The following ZBTB5 variants were observed in gnomAD, a reference collection of about 807,000 sequenced individuals.
ZBTB5 encodes zinc finger and BTB domain containing 5.
In ZBTB5, 15 loss-of-function variants were observed where a neutral mutation model predicts 37.9. The observed-to-expected ratio is 0.40, with a 90% CI of 0.26 to 0.61. ZBTB5 has a LOEUF of 0.61. Ranked by LOEUF, ZBTB5 falls within the 20% of genes least tolerant of loss-of-function variation. The pLI, the probability that ZBTB5 is intolerant of heterozygous loss-of-function variation, is 0.47. For synonymous variants in ZBTB5, 315 were observed against 312.4 expected, an observed-to-expected ratio of 1.01 and a Z score of -0.09; for missense variants, 708 against 856.8, an observed-to-expected ratio of 0.83 and a Z score of 2.17.
At position 37,439,984 on chromosome 9, in the gene ZBTB5, A is replaced by G. The variant is rs898894829; in HGVS notation, c.*534T>C. Reference sequence around the variant, plus strand: ...GTTTATGACTGCAAATCAGGTAAAAATAAAAAATACAGTACTTTGAGGCCT... The same window carrying G: ...GTTTATGACTGCAAATCAGGTAAAAGTAAAAAATACAGTACTTTGAGGCCT... On this transcript the variant is annotated 3_prime_UTR_variant, in exon 2 of 2. Coordinates refer to ENST00000307750, the MANE Select transcript of ZBTB5 (RefSeq NM_014872.3). 1 of 157,178 alleles carries G rather than the reference A, an allele frequency of 6.4e-6. No individual in the cohort carries two copies. The highest frequency in any genetic ancestry group is 2.4e-5 in the African/African-American group (1 of 41,476). 9.7% of individuals were successfully genotyped at this position (157,178 alleles called of 1,614,324 possible).
rs16924383 is a variant in ZBTB5, at chr9:37,444,539, T to G, written c.-4-1984A>C. Among the ~76,000 whole-genome samples the G allele has an allele frequency of 8.9e-3, 1,357 of 152,238 alleles. 25 individuals are homozygous for G. Among genetic ancestry groups the G allele is most frequent in the African/African-American group, 0.031 (1,289 of 41,550 alleles). On this transcript the variant is annotated intron_variant, in intron 1 of 1. Coordinates refer to ENST00000307750, the MANE Select transcript of ZBTB5 (RefSeq NM_014872.3). ...TTTAAATTTTGAGAACTGAAGAAATTTGCTTATTAAGACTAAAAAGGCCCA... is the reference window on the plus strand; with the variant it reads ...TTTAAATTTTGAGAACTGAAGAAATGTGCTTATTAAGACTAAAAAGGCCCA...
At position 37,455,205 on chromosome 9, in the gene ZBTB5, C is replaced by T. The variant is rs114053620; in HGVS notation, c.-5+10010G>A. On this transcript the variant is annotated intron_variant, in intron 1 of 1. Transcript: ENST00000307750. ...AATGTGCAGAGGAGCATAAGAGCAG[C>T]GTGGCCAAGGAGAGAAGAGAAGGAG... Among the ~76,000 whole-genome samples the T allele has an allele frequency of 6.1e-3, 923 of 152,192 alleles. 10 individuals are homozygous for T. Among genetic ancestry groups the T allele is most frequent in the African/African-American group, 0.02 (835 of 41,512 alleles).
At chr9:37,449,425 C>T (rs892878189) in intron 1 of ZBTB5, among the ~76,000 whole-genome samples, 1 of 152,140 alleles carries the variant, frequency 6.6e-6, no homozygotes, top group Non-Finnish European at 1.5e-5. Context: ...AGGCCTGGTG[C>T]GGTAGCTCAT....
rs1823900719 is a variant in ZBTB5 at position 37,442,319 on chromosome 9, G to C, written c.233C>G (p.Ala78Gly). 1 of 1,614,112 alleles carries C rather than the reference G, an allele frequency of 6.2e-7. No individual in the cohort carries two copies. Among genetic ancestry groups the C allele is most frequent in the South Asian group, 1.1e-5 (1 of 91,092 alleles). The change falls in exon 2 of 2, where the codon GCT becomes GGT. Residue 78 changes from alanine (A) to glycine (G), a missense_variant. Around this residue, in one of 3 missense-constraint regions of ZBTB5, gnomAD observed 639 missense variants for 690.5 expected, o/e 0.93. Transcript: ENST00000307750. ...DSEVVTAEAF[A>G]ALIDMMYTST... ...GGTATACATCATGTCAATCAGTGCA[G>C]CAAAGGCCTCTGCTGTCACCACCTC...
rs921205834 is a variant in ZBTB5 at position 37,441,624 on chromosome 9, AACT to A, written c.925_927del (p.Ser309del). The A allele has an allele frequency of 6.2e-7, 1 of 1,613,268 alleles. No homozygotes were observed. Among genetic ancestry groups the A allele is most frequent in the Admixed American group, 1.7e-5 (1 of 59,956 alleles). ...CCAACCTCAGGGTTTTCACACTGAA[AACT>A]ACTTTTCTCAGGTGCAGCTTCCTGA... On this transcript the variant is annotated inframe_deletion, in exon 2 of 2. Transcript: ENST00000307750.
In ZBTB5 at chr9:37,465,428, GC is replaced by G. The variant is rs936756748; in HGVS notation, c.-219del. The stretch of plus-strand genomic sequence containing the variant: ...AGCACTCTGAGAACACGGCGGCGGC[GC>G]CCGAGGATAAGCGGAAGTGACGTAA... On this transcript the variant is annotated 5_prime_UTR_variant, in exon 1 of 2. Transcript: ENST00000307750. The G allele has an allele frequency of 6.6e-6, 1 of 151,170 alleles. No homozygotes were observed. Among genetic ancestry groups the G allele is most frequent in the African/African-American group, 2.4e-5 (1 of 41,108 alleles). The allele number at this position is 151,170 out of a possible 1,614,324, so 9.4% of individuals were successfully genotyped here.
intron 1 of ZBTB5, among the ~76,000 whole-genome samples, chr9:37,443,644 A>C (rs1283220583): frequency 6.6e-6 from 1 of 152,120 alleles, no homozygotes; most frequent in African/African-American, 2.4e-5. Context: ...AAAACAAAAA[A>C]ACACCAGGAT....
chr9:37,449,322 A>G (rs962246119), intron 1 of ZBTB5, among the ~76,000 whole-genome samples: 1 of 152,346 alleles, frequency 6.6e-6, no homozygotes, highest in Non-Finnish European at 1.5e-5. Context: ...CTGGATTCTC[A>G]TATTTGCTTC....
intron 1 of ZBTB5, among the ~76,000 whole-genome samples, chr9:37,446,855 A>G (rs1247744794): frequency 6.6e-6 from 1 of 152,234 alleles, no homozygotes; most frequent in African/African-American, 2.4e-5. Flanking sequence ...ATTATTTTGT[A>G]GCAGTAACAG....
Position 37,442,436 on chromosome 9 carries a change from C to A in ZBTB5, c.116G>T (p.Arg39Leu), listed in dbSNP as rs1823904209. 6.2e-7 allele frequency: 1 copy of A among 1,613,948 alleles called. No homozygotes were observed. Among genetic ancestry groups the A allele is most frequent in the South Asian group, 1.1e-5 (1 of 91,084 alleles). Reference protein sequence around the residue: ...VVGNRHFKAHRSVLAACSTHF... With the variant: ...VVGNRHFKAHLSVLAACSTHF... Reference sequence around the variant, plus strand: ...CGTGCTGCATGCTGCCAGCACGGAGCGGTGGGCTTTAAAGTGTCTATTCCC... The same window carrying A: ...CGTGCTGCATGCTGCCAGCACGGAGAGGTGGGCTTTAAAGTGTCTATTCCC... Residue 39 changes from arginine to leucine, a missense_variant, in exon 2 of 2, where the codon CGC becomes CTC. Transcript: ENST00000307750.
chr9:37,440,754 AT>A lies in ZBTB5; in HGVS notation c.1797del (p.Leu599PhefsTer9). ...ADVLSKCKKA[L>X]SEHNVLVVEG... is the part of the protein sequence containing the mutation. ...TCTACAACCAAAACATTGTGCTCTG[AT>A]AAGGCCTTCTTGCACTTTGACAGAA... On this transcript the variant is annotated frameshift_variant, in exon 2 of 2. Coordinates refer to ENST00000307750, the MANE Select transcript of ZBTB5 (RefSeq NM_014872.3). LOFTEE classifies it high-confidence loss of function. The A allele has an allele frequency of 6.2e-7, 1 of 1,614,250 alleles. No individual in the cohort carries two copies. Among genetic ancestry groups the A allele is most frequent in the Non-Finnish European group, 8.5e-7 (1 of 1,180,040 alleles).
intron 1 of ZBTB5, among the ~76,000 whole-genome samples, chr9:37,443,709 T>C (rs1164359993): frequency 1.3e-5 from 2 of 152,104 alleles, no homozygotes; most frequent in African/African-American, 4.8e-5. Flanking sequence ...GGTGGGAGGA[T>C]TGCCTGAGCT....
At chr9:37,464,869 C>T (rs1824361795) in intron 1 of ZBTB5, among the ~76,000 whole-genome samples, 1 of 152,232 alleles carries the variant, frequency 6.6e-6, no homozygotes, top group South Asian at 2.1e-4. Flanking sequence ...CCACATCCCG[C>T]AGGGCAGCAG....
chr9:37,449,494 T>C (rs539847137), intron 1 of ZBTB5, among the ~76,000 whole-genome samples: 24 of 152,010 alleles, frequency 1.6e-4, no homozygotes, highest in Admixed American at 1.2e-3. Context: ...GGCCAGGAGT[T>C]TGCGACCAGC....
rs1824346135 is a variant in ZBTB5, at chr9:37,464,201, T to C, written c.-5+1014A>G. On this transcript the variant is annotated intron_variant, in intron 1 of 1. Transcript: ENST00000307750. ...CAACAGCCCATACTAGGACAACAAA[T>C]TACCAATGACTTAATGACTAAGGCA... is the stretch of plus-strand genomic sequence containing the variant. Among the ~76,000 whole-genome samples the C allele has an allele frequency of 2.0e-5, 3 of 152,334 alleles. No homozygotes were observed. In the South Asian group the frequency reaches 6.2e-4, roughly 32 times the overall value.
intron 1 of ZBTB5, among the ~76,000 whole-genome samples, chr9:37,451,998 C>T (rs964238141): frequency 2.6e-5 from 4 of 152,190 alleles, no homozygotes; most frequent in Non-Finnish European, 4.4e-5. Flanking sequence ...TATGACCTAC[C>T]TAATGATGGC....
Position 37,441,766 on chromosome 9 carries a change from C to T in ZBTB5, c.786G>A (p.Gln262=). The change falls in exon 2 of 2, where the codon CAG becomes CAA. Residue 262 remains glutamine, a synonymous_variant. Coordinates refer to ENST00000307750, the MANE Select transcript of ZBTB5 (RefSeq NM_014872.3). ...GGGCATCTTCTTGAGTGCCAAAAGACTGATCAAACATGATCGCACTATCTT... is the reference window on the plus strand; with the variant it reads ...GGGCATCTTCTTGAGTGCCAAAAGATTGATCAAACATGATCGCACTATCTT... ...NQEDSAIMFD[Q]SFGTQEDAQV... is the part of the protein sequence containing the mutation. 1.2e-6 allele frequency: 2 copies of T among 1,614,148 alleles called. No individual in the cohort carries two copies. Among genetic ancestry groups the T allele is most frequent in the Non-Finnish European group, 8.5e-7 (1 of 1,180,028 alleles).
chr9:37,453,197 CTCTT>C (rs1466354420), intron 1 of ZBTB5, among the ~76,000 whole-genome samples: 1 of 152,184 alleles, frequency 6.6e-6, no homozygotes, highest in Non-Finnish European at 1.5e-5. Context: ...GTCTCTCTCT[CTCTT>C]TAAATAGTGA....
Position 37,441,160 on chromosome 9 carries a change from G to C in ZBTB5, c.1392C>G (p.Ser464=). ...PAGGPSSAPG[S]HVENPFSEPA... ...GTTCACTAAATGGGTTCTCTACATG[G>C]GAGCCAGGGGCAGAGGAGGGCCCAC... Residue 464 remains serine, a synonymous_variant, in exon 2 of 2, where the codon TCC becomes TCG. Transcript: ENST00000307750. The C allele has an allele frequency of 6.2e-7, 1 of 1,613,962 alleles. No homozygotes were observed. The highest frequency in any genetic ancestry group is 8.5e-7 in the Non-Finnish European group (1 of 1,179,944).
Sources: allele counts gnomAD v4.1 joint callset (sites outside exome capture counted in the v4.1 genomes callset), GRCh38; gene constraint gnomAD v4.1.1; regional missense constraint gnomAD v4.1.1; transcripts MANE v1.5; gene names NCBI Gene and HGNC (gene_info 2026-07-23, HGNC 2026-07-21).